Variants in FBXO31 observed in about 807,000 individuals in gnomAD.
FBXO31 encodes F-box only protein 31.
A neutral mutation model predicts 54.4 loss-of-function variants in FBXO31; 24 were observed. The ratio of observed to expected loss-of-function variants is 0.44; its 90% CI spans 0.32 to 0.62. The LOEUF (loss-of-function observed/expected upper bound fraction) is 0.62. FBXO31 is among the 20% of genes least tolerant of loss of function. The pLI is 0.05. For missense variants in FBXO31, 665 were observed against 787.1 expected, an observed-to-expected ratio of 0.84 and a Z score of 1.86; for synonymous variants, 388 against 335.6, an observed-to-expected ratio of 1.16 and a Z score of -1.71.
chr16:87,366,149 G>A (rs1331697781), intron 1 of FBXO31, among the ~76,000 whole-genome samples: 3 of 152,186 alleles, frequency 2.0e-5, no homozygotes, highest in African/African-American at 4.8e-5. Flanking sequence ...CTCCCAGATG[G>A]GATTCTGGGA....
intron 1 of FBXO31, among the ~76,000 whole-genome samples, chr16:87,361,719 A>G (rs534614123): frequency 6.6e-6 from 1 of 152,106 alleles, no homozygotes; most frequent in Admixed American, 6.5e-5. Context: ...TATTACCCCA[A>G]ATGCTTCTCT....
chr16:87,374,499 G>A (rs573671301), intron 1 of FBXO31, among the ~76,000 whole-genome samples: 1 of 152,342 alleles, frequency 6.6e-6, no homozygotes, highest in East Asian at 1.9e-4. Flanking sequence ...AGTTCCTACT[G>A]AATGTGTGTC....
In FBXO31 at chr16:87,329,609, G is replaced by A. The variant is rs1472160211; in HGVS notation, c.*1679C>T. On this transcript the variant is annotated 3_prime_UTR_variant, in exon 9 of 9. Coordinates refer to ENST00000311635, the MANE Select transcript of FBXO31 (RefSeq NM_024735.5). ...AAACAGTGACCACCACAGAGGGCAG[G>A]GAGTGACAAAGCTTGTAGGCTAATG... 6.6e-6 allele frequency: 1 copy of A among 152,286 alleles called. No homozygotes were observed. Among genetic ancestry groups the A allele is most frequent in the Non-Finnish European group, 1.5e-5 (1 of 68,070 alleles). The allele number at this position is 152,286 out of a possible 1,614,324, so 9.4% of individuals were successfully genotyped here.
At position 87,358,438 on chromosome 16, in the gene FBXO31, T is replaced by C. The variant is rs1021026760; in HGVS notation, c.412+1857A>G. The C allele has an allele frequency of 2.0e-5, 3 of 152,670 alleles. No homozygotes were observed. Among genetic ancestry groups the C allele is most frequent in the African/African-American group, 7.2e-5 (3 of 41,472 alleles). 9.5% of individuals were successfully genotyped at this position (152,670 alleles called of 1,614,324 possible). Reference sequence around the variant, plus strand: ...CAGGTGTAAACGTCTCTGTACGCCATGTGCTCATAATCAGGGAGAATTTTC... The same window carrying C: ...CAGGTGTAAACGTCTCTGTACGCCACGTGCTCATAATCAGGGAGAATTTTC... On this transcript the variant is annotated intron_variant, in intron 2 of 8. Transcript: ENST00000311635. This position sits in a 1 kb window ranked among gnomAD's most constrained non-coding sequence, Gnocchi z 4.0.
upstream of FBXO31, chr16:87,383,816 C>T: frequency 1.9e-6 from 2 of 1,067,216 alleles, no homozygotes; most frequent in African/African-American, 1.7e-5. This position sits in a 1 kb window ranked among gnomAD's most constrained non-coding sequence, Gnocchi z 4.9. Flanking sequence ...CAGCGCCGAG[C>T]CACGCCCCCG....
At chr16:87,357,874 G>A (rs1905964637) in intron 2 of FBXO31, among the ~76,000 whole-genome samples, 2 of 150,554 alleles carry the variant, frequency 1.3e-5, no homozygotes, top group Admixed American at 6.6e-5. Flanking sequence ...CAGAGGTTGT[G>A]ACACTGCACT....
At chr16:87,379,834 C>T (rs1906995559) in intron 1 of FBXO31, among the ~76,000 whole-genome samples, 1 of 151,740 alleles carries the variant, frequency 6.6e-6, no homozygotes, top group Non-Finnish European at 1.5e-5. Context: ...GTGATCTGCC[C>T]GCCTTGGCCT....
At chr16:87,349,375 G>A (rs1333927512) in intron 2 of FBXO31, among the ~76,000 whole-genome samples, 8 of 152,204 alleles carry the variant, frequency 5.3e-5, no homozygotes, top group African/African-American at 1.4e-4. Flanking sequence ...CAGGGATTGT[G>A]GAACACGTTG....
chr16:87,370,316 G>A (rs1906544589), intron 1 of FBXO31, among the ~76,000 whole-genome samples: 1 of 152,228 alleles, frequency 6.6e-6, no homozygotes, highest in Non-Finnish European at 1.5e-5. Flanking sequence ...GACACACAGA[G>A]TCACTATTCT....
chr16:87,360,186 T>C, intron 2 of FBXO31, 109 bp downstream of exon 2: 1 of 1,036,356 alleles, frequency 9.6e-7, no homozygotes, highest in East Asian at 2.4e-5. Flanking sequence ...AGATGGTGTC[T>C]GAGAAAACAA....
chr16:87,367,443 C>T (rs1906417983), intron 1 of FBXO31: 3 of 152,236 alleles, frequency 2.0e-5, no homozygotes, highest in African/African-American at 7.2e-5. Flanking sequence ...CAGGGGGGTC[C>T]TGCCAGTGCC....
chr16:87,383,625 C>T lies in FBXO31; in HGVS notation c.120G>A (p.Glu40=), dbSNP rs1030400365. 1.4e-6 allele frequency: 2 copies of T among 1,441,594 alleles called. No homozygotes were observed. Among genetic ancestry groups the T allele is most frequent in the East Asian group, 3.0e-5 (1 of 33,080 alleles). The allele number at this position is 1,441,594 out of a possible 1,614,324, so 89.3% of individuals were successfully genotyped here. A position where few individuals can be genotyped will look rare whatever the true frequency, so the allele number is the denominator to read the frequency against. Reference sequence around the variant, plus strand: ...CGGCGCTAGCCTCGATGCGCTCCTCCTCGGGGTCTGTGTCCGGCTCGCTGT... The same window carrying T: ...CGGCGCTAGCCTCGATGCGCTCCTCTTCGGGGTCTGTGTCCGGCTCGCTGT... The part of the protein sequence containing the change: ...AADSEPDTDP[E]EERIEASAGV... Residue 40 remains glutamate, a synonymous_variant, in exon 1 of 9, where the codon GAG becomes GAA. Transcript: ENST00000311635. This position sits in a 1 kb window ranked among gnomAD's most constrained non-coding sequence, Gnocchi z 4.9.
chr16:87,356,646 A>G (rs1484977695), intron 2 of FBXO31, among the ~76,000 whole-genome samples: 1 of 152,242 alleles, frequency 6.6e-6, no homozygotes, highest in East Asian at 1.9e-4. Context: ...CCCTCAGTAA[A>G]GCGGGACCCA....
chr16:87,357,278 T>C (rs1485244374), intron 2 of FBXO31, among the ~76,000 whole-genome samples: 2 of 150,180 alleles, frequency 1.3e-5, no homozygotes, highest in African/African-American at 2.4e-5. Flanking sequence ...TAAATTCCTA[T>C]AACTGTGGCT....
intron 1 of FBXO31, chr16:87,362,659 C>T (rs1597372771): frequency 6.6e-6 from 1 of 152,438 alleles, no homozygotes; most frequent in Non-Finnish European, 1.5e-5. Context: ...CTCCCAGGTT[C>T]AAGCGATTCT....
intron 5 of FBXO31, among the ~76,000 whole-genome samples, chr16:87,341,714 T>C (rs954451740): frequency 6.6e-6 from 1 of 151,652 alleles, no homozygotes; most frequent in Non-Finnish European, 1.5e-5. Context: ...ATACGTTGTG[T>C]TTCTGTATAT....
chr16:87,331,315 G>C lies in FBXO31; in HGVS notation c.1593C>G (p.Leu531=), dbSNP rs147242075. 1.9e-5 allele frequency: 31 copies of C among 1,613,902 alleles called. No homozygotes were observed. The highest frequency in any genetic ancestry group is 1.1e-4 in the South Asian group (10 of 91,072). ...AGGAGGTGAGGGACTGAATGTTCTT[G>C]AGCATCTCATCGAAGGCCTGTGGGG... ...APSPQAFDEM[L]KNIQSLTS Residue 531 remains leucine (L), a synonymous_variant, in exon 9 of 9, where the codon CTC becomes CTG. Coordinates refer to ENST00000311635, the MANE Select transcript of FBXO31 (RefSeq NM_024735.5).
At chr16:87,344,084 C>T (rs1442170369) in intron 3 of FBXO31, among the ~76,000 whole-genome samples, 2 of 152,264 alleles carry the variant, frequency 1.3e-5, no homozygotes, top group African/African-American at 4.8e-5. Context: ...GCGTCCTGAG[C>T]TGAACAAATT....
At position 87,343,672 on chromosome 16, in the gene FBXO31, G is replaced by T; in HGVS notation, c.583C>A (p.His195Asn). Residue 195 changes from histidine to asparagine, a missense_variant, in exon 4 of 9, where the codon CAC (histidine) becomes AAC (asparagine). Around this residue, in one of 4 missense-constraint regions of FBXO31, gnomAD observed 234 missense variants for 346.8 expected, o/e 0.67. Coordinates refer to ENST00000311635, the MANE Select transcript of FBXO31 (RefSeq NM_024735.5). ...GTGGCAGCCTTCCTCTCCATCAGGT[G>T]GATCCTGAACAGAGGCTTGAATCTC... ...PMRFKPLFRI[H>N]LMERKAATVE... 6.2e-7 allele frequency: 1 copy of T among 1,614,220 alleles called. No homozygotes were observed. The highest frequency in any genetic ancestry group is 1.1e-5 in the South Asian group (1 of 91,088).
Sources: gnomAD v4.1 joint callset for allele counts (sites outside exome capture counted in the v4.1 genomes callset) on GRCh38, gnomAD v4.1.1 for gene constraint, gnomAD v4.1.1 regional missense constraint, Gnocchi (gnomAD v3.1) non-coding constraint, MANE v1.5 for transcripts, NCBI Gene and HGNC (gene_info 2026-07-23, HGNC 2026-07-21) for gene names.